Variants in DDX54 observed in about 807,000 individuals in gnomAD.
DDX54 encodes the protein ATP-dependent RNA helicase DDX54.
DDX54 carries 67 observed loss-of-function variants against 105.5 expected under a neutral mutation model. That is an observed-to-expected ratio of 0.64 (90% confidence interval 0.52 to 0.78). The LOEUF (loss-of-function observed/expected upper bound fraction) is 0.78, where lower values mean the gene tolerates loss of function less well. Ranked by LOEUF, DDX54 falls within the 30% of genes least tolerant of loss-of-function variation. The pLI is 0.00. For missense variants in DDX54, 1,206 were observed against 1,230.5 expected, an observed-to-expected ratio of 0.98 and a Z score of 0.30; for synonymous variants, 514 against 509.9, an observed-to-expected ratio of 1.01 and a Z score of -0.11.
chr12:113,163,596 CCT>C lies in DDX54; in HGVS notation c.1939-324_1939-323del, dbSNP rs1406030679. On this transcript the variant is annotated intron_variant, in intron 15 of 19. Transcript: ENST00000306014. The surrounding 1 kb of genome is among the most constrained non-coding windows in gnomAD (Gnocchi z 5.9). ...AGGCTATGTGACAGCCGGCCCTGCC[CCT>C]CTCTGCGCCTGGCCTGCTCTGAACA... is the stretch of plus-strand genomic sequence containing the variant. Among the ~76,000 whole-genome samples, 3 of 152,166 alleles carry C rather than the reference CCT, an allele frequency of 2.0e-5. No homozygotes were observed. Among genetic ancestry groups the C allele is most frequent in the Non-Finnish European group, 4.4e-5 (3 of 68,018 alleles).
chr12:113,157,853 T>C lies in DDX54; in HGVS notation c.*1024A>G, dbSNP rs1453907900. Reference sequence around the variant, plus strand: ...CTGTGGGCCTGCCATGAGGGGCACATAGCAAGCACTCCATAAATGCAGGCC... The same window carrying C: ...CTGTGGGCCTGCCATGAGGGGCACACAGCAAGCACTCCATAAATGCAGGCC... On this transcript the variant is annotated 3_prime_UTR_variant, in exon 20 of 20. Coordinates refer to ENST00000306014, the MANE Select transcript of DDX54 (RefSeq NM_024072.4). The C allele has an allele frequency of 3.2e-6, 2 of 617,874 alleles. No homozygotes were observed. The highest frequency in any genetic ancestry group is 2.6e-5 in the Admixed American group (1 of 37,998). 38.3% of individuals were successfully genotyped at this position (617,874 alleles called of 1,614,324 possible).
chr12:113,172,438 G>C lies in DDX54; in HGVS notation c.1194C>G (p.Ala398=), dbSNP rs764670403. 37 of 1,614,132 alleles carry C rather than the reference G, an allele frequency of 2.3e-5. No homozygotes were observed. The East Asian group carries it at 7.6e-4, about 33-fold the overall frequency. ...GCAGCGGGATGTCCAGGCCTCGGGC[G>C]GCCAGGTCAGTCACAATGAGAGTGG... ...KCSTLIVTDL[A]ARGLDIPLLD... is the part of the protein sequence containing the mutation. The change falls in exon 11 of 20, where the codon GCC becomes GCG. Residue 398 remains alanine (A), a synonymous_variant. Coordinates refer to ENST00000306014, the MANE Select transcript of DDX54 (RefSeq NM_024072.4).
chr12:113,178,807 T>C (rs1430870393), intron 5 of DDX54, among the ~76,000 whole-genome samples, 170 bp downstream of exon 5: 1 of 151,960 alleles, frequency 6.6e-6, no homozygotes, highest in Non-Finnish European at 1.5e-5. Flanking sequence ...CCTCCCAGAG[T>C]GCTGGGATTA....
chr12:113,174,699 G>A lies in DDX54; in HGVS notation c.1009C>T (p.Pro337Ser). The A allele has an allele frequency of 1.2e-6, 2 of 1,609,546 alleles. No individual in the cohort carries two copies. The highest frequency in any genetic ancestry group is 1.7e-6 in the Non-Finnish European group (2 of 1,176,164). Residue 337 changes from proline to serine, a missense_variant, in exon 10 of 20, where the codon CCC becomes TCC. By Grantham distance (74) the Pro-to-Ser change is moderately conservative (BLOSUM62 -1). Around this residue, in one of 3 missense-constraint regions of DDX54, gnomAD observed 961 missense variants for 1,019.1 expected, o/e 0.94. Coordinates refer to ENST00000306014, the MANE Select transcript of DDX54 (RefSeq NM_024072.4). Reference protein sequence around the residue: ...LLHLLHNVVRPQDQTVVFVAT... With the variant: ...LLHLLHNVVRSQDQTVVFVAT... The stretch of plus-strand genomic sequence containing the variant: ...ACAAACACCACGGTCTGGTCCTGGG[G>A]CCGCACCACGTTGTGCAGCAGGTGG...
chr12:113,161,481 CA>C, intron 18 of DDX54, 99 bp from the exon 19 acceptor site: 14 of 958,776 alleles, frequency 1.5e-5, no homozygotes, highest in Non-Finnish European at 2.0e-5. Flanking sequence ...ATCCCAGCCG[CA>C]GCTGAAGCTG....
At chr12:113,167,609 C>T (rs938673722) in intron 12 of DDX54, among the ~76,000 whole-genome samples, 1 of 152,170 alleles carries the variant, frequency 6.6e-6, no homozygotes, top group African/African-American at 2.4e-5. Flanking sequence ...GGTCGGAAAC[C>T]GAACCCTGCA....
At chr12:113,162,742 AC>A (rs1253347590) in intron 17 of DDX54, 189 bp downstream of exon 17, 2 of 547,418 alleles carry the variant, frequency 3.7e-6, no homozygotes, top group African/African-American at 4.5e-5. Flanking sequence ...TCACTCTCTC[AC>A]TCACCCTGGG....
intron 17 of DDX54, chr12:113,162,718 C>A (rs1356958156): frequency 1.9e-6 from 1 of 530,406 alleles, no homozygotes; most frequent in Non-Finnish European, 3.3e-6. Context: ...TCACCCCAGG[C>A]ATGGAGGGGC....
chr12:113,178,961 G>T lies in DDX54; in HGVS notation c.614+16C>A. The T allele has an allele frequency of 6.2e-7, 1 of 1,613,836 alleles. No individual in the cohort carries two copies. The highest frequency in any genetic ancestry group is 8.5e-7 in the Non-Finnish European group (1 of 1,179,832). ...CTGCATGGTGGTGACCCTGGCATGG[G>T]GTGCAGGGACCTTACCTGTCTCCAC... is the stretch of plus-strand genomic sequence containing the variant. On this transcript the variant is annotated intron_variant, in intron 5 of 19. Coordinates refer to ENST00000306014, the MANE Select transcript of DDX54 (RefSeq NM_024072.4).
At chr12:113,178,954 G>C (rs1374075552) in intron 5 of DDX54, 23 bp downstream of exon 5, 1 of 1,613,642 alleles carries the variant, frequency 6.2e-7, no homozygotes, top group South Asian at 1.1e-5. Flanking sequence ...TGGTGACCCT[G>C]GCATGGGGTG....
chr12:113,175,288 A>G (rs959035317), intron 7 of DDX54, 131 bp from the exon 8 acceptor site: 1 of 1,261,066 alleles, frequency 7.9e-7, no homozygotes, highest in South Asian at 1.6e-5. Flanking sequence ...GCCCACTCAC[A>G]CTTATCACGT....
rs138525517 is a variant in DDX54, at chr12:113,173,392, T to C, written c.1069-829A>G. On this transcript the variant is annotated intron_variant, in intron 10 of 19. Coordinates refer to ENST00000306014, the MANE Select transcript of DDX54 (RefSeq NM_024072.4). The stretch of plus-strand genomic sequence containing the variant: ...TGTTTAAAAATTACTATTTTGGTCT[T>C]ATTCACTGGTGACCCCAGCAGCTGC... Among the ~76,000 whole-genome samples, 346 of 152,288 alleles carry C rather than the reference T, an allele frequency of 2.3e-3. 4 individuals are homozygous for C. Among genetic ancestry groups the C allele is most frequent in the African/African-American group, 7.4e-3 (306 of 41,542 alleles).
At chr12:113,174,511 A>G in intron 10 of DDX54, 129 bp downstream of exon 10, 1 of 1,327,920 alleles carries the variant, frequency 7.5e-7, no homozygotes, top group South Asian at 1.6e-5. Context: ...TAAAAATAAA[A>G]ATGACCATCT....
chr12:113,176,012 C>G (rs959460068), intron 7 of DDX54, among the ~76,000 whole-genome samples: 1 of 142,584 alleles, frequency 7.0e-6, no homozygotes, highest in Non-Finnish European at 1.5e-5. Context: ...CTCCCCACTT[C>G]CCCCACAACC....
rs1451713220 is a variant in DDX54 at position 113,157,706 on chromosome 12, G to A, written c.*1171C>T. ...CCTGACACAGGTGAGCAGCGGGAGAGGGAACCCCTGAGAGACCCTGAGATA... is the reference window on the plus strand; with the variant it reads ...CCTGACACAGGTGAGCAGCGGGAGAAGGAACCCCTGAGAGACCCTGAGATA... On this transcript the variant is annotated 3_prime_UTR_variant, in exon 20 of 20. Transcript: ENST00000306014. The A allele has an allele frequency of 1.3e-6, 2 of 1,540,770 alleles. No individual in the cohort carries two copies. Among genetic ancestry groups the A allele is most frequent in the Admixed American group, 3.9e-5 (2 of 50,974 alleles).
intron 7 of DDX54, 32 bp from the exon 8 acceptor site, chr12:113,175,189 G>GGGGGC: frequency 6.4e-7 from 1 of 1,566,010 alleles, no homozygotes; most frequent in Middle Eastern, 1.7e-4. Context: ...CTGGGTCAGA[G>GGGGGC]GGGGCCTTCA....
Position 113,164,176 on chromosome 12 carries a change from C to CT in DDX54, c.1828_1829insA (p.Gly610GlufsTer25). On this transcript the variant is annotated frameshift_variant, in exon 15 of 20. Coordinates refer to ENST00000306014, the MANE Select transcript of DDX54 (RefSeq NM_024072.4). LOFTEE classifies it high-confidence loss of function. ...TGGGCCCTCCTGCTGCTCCTGCCGC[C>CT]CCTGCTGTCCCTGCTGGAAGCGGGC... The CT allele has an allele frequency of 5.1e-6, 8 of 1,561,010 alleles. No homozygotes were observed. Among genetic ancestry groups the CT allele is most frequent in the Non-Finnish European group, 6.9e-6 (8 of 1,153,664 alleles).
chr12:113,159,509 T>A (rs1391185060), intron 19 of DDX54, among the ~76,000 whole-genome samples: 1 of 152,098 alleles, frequency 6.6e-6, no homozygotes, highest in Non-Finnish European at 1.5e-5. Context: ...CTGTTACTAT[T>A]AAAAATTCTC....
In DDX54 at chr12:113,157,195, G is replaced by T; in HGVS notation, c.*1682C>A. The T allele has an allele frequency of 5.8e-6, 1 of 173,856 alleles. No individual in the cohort carries two copies. The highest frequency in any genetic ancestry group is 1.2e-5 in the Non-Finnish European group (1 of 81,500). 10.8% of individuals were successfully genotyped at this position (173,856 alleles called of 1,614,324 possible). On this transcript the variant is annotated 3_prime_UTR_variant, in exon 20 of 20. Transcript: ENST00000306014. ...TTCTAGTTTTTACAATGGATCCATGGTATTTATTAAGTTCATATTCATAAA... is the reference window on the plus strand; with the variant it reads ...TTCTAGTTTTTACAATGGATCCATGTTATTTATTAAGTTCATATTCATAAA...
Sources: gnomAD v4.1 joint callset for allele counts (sites outside exome capture counted in the v4.1 genomes callset) on GRCh38, gnomAD v4.1.1 for gene constraint, gnomAD v4.1.1 regional missense constraint, Gnocchi (gnomAD v3.1) non-coding constraint, MANE v1.5 for transcripts, NCBI Gene and HGNC (gene_info 2026-07-23, HGNC 2026-07-21) for gene names.